NBPF8: variants seen among roughly 807,000 people sequenced by gnomAD.
The protein encoded by NBPF8 is NBPF family member NBPF8.
At chr1:120,451,464 CA>C (rs1197305755) in intron 12 of NBPF8, among the ~76,000 whole-genome samples, 182 bp downstream of exon 10, 1 of 123,700 alleles carries the variant, frequency 8.1e-6, no homozygotes, top group African/African-American at 3.2e-5. Flanking sequence ...GTATGGGTTG[CA>C]GTTGTTTCTC....
exon 25 of NBPF8, chr1:120,466,047 G>C (rs1553250790): frequency 1.2e-6 from 2 of 1,611,756 alleles, no homozygotes; most frequent in Admixed American, 1.7e-5. Flanking sequence ...GATGTTATTC[G>C]ACTCCATCAA....
At chr1:120,415,645 G>T (rs1660414111), upstream of NBPF8, among the ~76,000 whole-genome samples, 1 of 152,196 alleles carries the variant, frequency 6.6e-6, no homozygotes, top group African/African-American at 2.4e-5. Flanking sequence ...GGGGACCTGA[G>T]AGGCGAGACC....
chr1:120,449,608 G>A (rs1553248496), intron 11 of NBPF8, among the ~76,000 whole-genome samples: 1 of 152,004 alleles, frequency 6.6e-6, no homozygotes, highest in Non-Finnish European at 1.5e-5. Context: ...ATCAGGTGGG[G>A]GTGGGACTAG....
chr1:120,462,493 C>T (rs1215750674), intron 20 of NBPF8, among the ~76,000 whole-genome samples: 2 of 125,008 alleles, frequency 1.6e-5, no homozygotes, highest in African/African-American at 3.0e-5. Context: ...TCACTGTTCG[C>T]TGTGTGTCCC....
chr1:120,466,200 G>T (rs1350668662), exon 25 of NBPF8: 5 of 1,609,142 alleles, frequency 3.1e-6, no homozygotes, highest in Non-Finnish European at 4.2e-6. Context: ...TCTTCCAGAT[G>T]GGAGTCATAT....
chr1:120,432,155 A>G (rs1468879342), upstream of NBPF8: 6 of 144,406 alleles, frequency 4.2e-5, no homozygotes, highest in Non-Finnish European at 7.5e-5. Context: ...CTCCTGCTAA[A>G]TCACAGAGGT....
At chr1:120,449,936 C>T (rs1321226722) in intron 11 of NBPF8, among the ~76,000 whole-genome samples, 2 of 152,084 alleles carry the variant, frequency 1.3e-5, no homozygotes, top group Non-Finnish European at 2.9e-5. Flanking sequence ...GCATCAAGAG[C>T]AGGGAGTAGG....
chr1:120,455,023 G>C (rs1225003362), intron 15 of NBPF8, among the ~76,000 whole-genome samples: 2 of 148,306 alleles, frequency 1.3e-5, no homozygotes, highest in Non-Finnish European at 3.0e-5. Context: ...TTATCTATCA[G>C]TCGTGTTTCA....
At chr1:120,468,778 C>T (rs1449490675), downstream of NBPF8, among the ~76,000 whole-genome samples, 2 of 151,374 alleles carry the variant, frequency 1.3e-5, no homozygotes, top group East Asian at 3.9e-4. Context: ...TCCACACTCG[C>T]TTTCTGAGGA....
downstream of NBPF8, among the ~76,000 whole-genome samples, chr1:120,468,861 C>T (rs1342891434): frequency 1.3e-5 from 2 of 151,444 alleles, no homozygotes; most frequent in Non-Finnish European, 1.5e-5. Context: ...GTGTTTCCTG[C>T]TCCCTCTGCC....
At chr1:120,423,314 G>GT (rs1299360965) in intron 1 of NBPF8, among the ~76,000 whole-genome samples, 1 of 107,680 alleles carries the variant, frequency 9.3e-6, no homozygotes, top group Non-Finnish European at 1.9e-5. Flanking sequence ...TGCATACCTG[G>GT]ATTTATTTAT....
At chr1:120,429,189 C>T (rs1168471672) in intron 3 of NBPF8, among the ~76,000 whole-genome samples, 2 of 152,158 alleles carry the variant, frequency 1.3e-5, no homozygotes, top group Admixed American at 6.5e-5. Flanking sequence ...TATTTCTTCC[C>T]TCTCCCTCCC....
chr1:120,421,612 C>T (rs2101462388), intron 1 of NBPF8, among the ~76,000 whole-genome samples: 1 of 144,248 alleles, frequency 6.9e-6, no homozygotes, highest in Non-Finnish European at 1.5e-5. Context: ...CTCTCTTTTT[C>T]TTTCCTTTTT....
exon 25 of NBPF8, chr1:120,466,038 A>G (rs1661738163): frequency 6.2e-7 from 1 of 1,611,936 alleles, no homozygotes; most frequent in Non-Finnish European, 8.5e-7. Context: ...CACTGGATAG[A>G]TGTTATTCGA....
chr1:120,424,127 C>A (rs1307106582), intron 1 of NBPF8, among the ~76,000 whole-genome samples: 1 of 152,178 alleles, frequency 6.6e-6, no homozygotes, highest in Non-Finnish European at 1.5e-5. Flanking sequence ...ATGACTGGGT[C>A]TGAATAAAAT....
chr1:120,431,378 A>T (rs1374899304), upstream of NBPF8, among the ~76,000 whole-genome samples: 9 of 63,240 alleles, frequency 1.4e-4, no homozygotes, highest in African/African-American at 6.1e-4. Context: ...ATATATATAT[A>T]TATATATATA....
At chr1:120,459,963 C>A (rs1661531774) in intron 17 of NBPF8, among the ~76,000 whole-genome samples, 1 of 152,046 alleles carries the variant, frequency 6.6e-6, no homozygotes, top group African/African-American at 2.4e-5. Flanking sequence ...CCCTTGTCTA[C>A]CTCTCAGTGA....
rs2101676303 is a variant in NBPF8 at position 120,451,199 on chromosome 1, TC to T, written n.1992del. On this transcript the variant is annotated non_coding_transcript_exon_variant, in exon 12 of 25. Transcript: ENST00000583271. ...TCTCAGAATATGAAGAGTGCAAAGATCTCATAAAATCTATGCTGAGGAATGA... is the reference window on the plus strand; with the variant it reads ...TCTCAGAATATGAAGAGTGCAAAGATTCATAAAATCTATGCTGAGGAATGA... 3.8e-6 allele frequency: 6 copies of T among 1,587,146 alleles called. No individual in the cohort carries two copies. The East Asian group carries it at 1.4e-4, about 36-fold the overall frequency.
exon 25 of NBPF8, chr1:120,466,283 T>C: frequency 6.3e-7 from 1 of 1,591,460 alleles, no homozygotes; most frequent in South Asian, 1.1e-5. Context: ...CGCCTGAAGA[T>C]TTGAATGAAA....
Sources: gnomAD v4.1 joint callset for allele counts (sites outside exome capture counted in the v4.1 genomes callset) on GRCh38, gnomAD v4.1.1 for gene constraint, MANE v1.5 for transcripts, NCBI Gene and HGNC (gene_info 2026-07-23, HGNC 2026-07-21) for gene names.